Variants in PIK3C3 observed in about 807,000 individuals in gnomAD.
PIK3C3 encodes the protein phosphatidylinositol 3-kinase catalytic subunit type 3.
PIK3C3 carries 95 observed loss-of-function variants against 126.1 expected under a neutral mutation model. The ratio of observed to expected loss-of-function variants is 0.75; its 90% CI spans 0.64 to 0.89. PIK3C3 has a LOEUF of 0.89. Ranked by LOEUF, PIK3C3 falls within the 40% of genes least tolerant of loss-of-function variation. The pLI is 0.00. For synonymous variants in PIK3C3, 374 were observed against 360.0 expected (o/e 1.04, Z -0.44); for missense variants, 829 against 1,063.2 (o/e 0.78, Z 3.06).
intron 4 of PIK3C3, among the ~76,000 whole-genome samples, chr18:41,973,802 T>C (rs1034021818): frequency 6.6e-6 from 1 of 152,126 alleles, no homozygotes; most frequent in Non-Finnish European, 1.5e-5. Context: ...AGATGGTAGA[T>C]GTAATGTCTG....
intron 7 of PIK3C3, 101 bp from the exon 8 acceptor site, chr18:41,995,789 A>G (rs999983371): frequency 2.6e-6 from 2 of 758,570 alleles, no homozygotes; most frequent in African/African-American, 3.5e-5. Flanking sequence ...AAAACATTAG[A>G]TATTATTAAA....
At chr18:41,997,791 C>T (rs79299202) in intron 9 of PIK3C3, among the ~76,000 whole-genome samples, 4 of 152,066 alleles carry the variant, frequency 2.6e-5, no homozygotes, top group Non-Finnish European at 5.9e-5. Flanking sequence ...ATACATGCTG[C>T]CTCTTGATAT....
chr18:41,986,017 C>A (rs929954351), intron 4 of PIK3C3, among the ~76,000 whole-genome samples: 42 of 152,094 alleles, frequency 2.8e-4, no homozygotes, highest in African/African-American at 8.9e-4. Flanking sequence ...ATCATAAATA[C>A]AAAACTAATA....
intron 7 of PIK3C3, 67 bp from the exon 8 acceptor site, chr18:41,995,823 T>G (rs2144363763): frequency 9.0e-7 from 1 of 1,106,000 alleles, no homozygotes; most frequent in Non-Finnish European, 1.4e-6. Flanking sequence ...CTTTTCTATT[T>G]ATGAATAGCT....
At chr18:41,982,862 C>T (rs973510285) in intron 4 of PIK3C3, among the ~76,000 whole-genome samples, 2 of 152,094 alleles carry the variant, frequency 1.3e-5, no homozygotes, top group African/African-American at 4.8e-5. Context: ...AATGGTGTCT[C>T]AGAATTGTTC....
chr18:42,076,109 T>TATGCAC (rs1555643355), intron 24 of PIK3C3, among the ~76,000 whole-genome samples: 4 of 78,926 alleles, frequency 5.1e-5, no homozygotes, highest in African/African-American at 1.3e-4. Flanking sequence ...TATATATATA[T>TATGCAC]ATATATATAT....
chr18:42,014,765 A>T (rs755908618), intron 11 of PIK3C3, among the ~76,000 whole-genome samples: 3 of 152,038 alleles, frequency 2.0e-5, no homozygotes, highest in Non-Finnish European at 2.9e-5. Flanking sequence ...GGATTTTTGA[A>T]TTTTTCTTTA....
At chr18:42,061,291 C>T (rs1985303314) in intron 22 of PIK3C3, among the ~76,000 whole-genome samples, 1 of 152,048 alleles carries the variant, frequency 6.6e-6, no homozygotes, top group African/African-American at 2.4e-5. Context: ...TTGTCTAATA[C>T]TGGTTTGTTG....
intron 6 of PIK3C3, among the ~76,000 whole-genome samples, chr18:41,991,710 T>C (rs1428816306): frequency 6.6e-6 from 1 of 152,202 alleles, no homozygotes; most frequent in Non-Finnish European, 1.5e-5. Context: ...TTCAAGTTAC[T>C]GTTCATATTT....
chr18:41,957,881 C>G (rs756889984), intron 2 of PIK3C3, 123 bp downstream of exon 2: 1 of 639,704 alleles, frequency 1.6e-6, no homozygotes, highest in Non-Finnish European at 2.6e-6. Context: ...TTGATCAAAT[C>G]ATTTGAAGTA....
At chr18:42,018,524 A>AT (rs1383337138) in intron 12 of PIK3C3, among the ~76,000 whole-genome samples, 1 of 151,992 alleles carries the variant, frequency 6.6e-6, no homozygotes, top group African/African-American at 2.4e-5. Context: ...TTTAAATTGG[A>AT]TTTTTGGTGC....
chr18:41,985,428 A>G (rs1444818877), intron 4 of PIK3C3, among the ~76,000 whole-genome samples: 1 of 152,168 alleles, frequency 6.6e-6, no homozygotes, highest in Non-Finnish European at 1.5e-5. Context: ...AAAGTCAGGT[A>G]CAGGAGACAG....
intron 13 of PIK3C3, among the ~76,000 whole-genome samples, chr18:42,023,775 T>G (rs1279176866): frequency 6.6e-6 from 1 of 152,256 alleles, no homozygotes; most frequent in Non-Finnish European, 1.5e-5. Flanking sequence ...ATTTAAATGC[T>G]TCTCTAAGCC....
chr18:42,060,307 T>G (rs1985258471), intron 22 of PIK3C3, among the ~76,000 whole-genome samples: 1 of 152,170 alleles, frequency 6.6e-6, no homozygotes, highest in Non-Finnish European at 1.5e-5. Context: ...AGTAGTCCAT[T>G]TGAACTTAGT....
At position 42,037,896 on chromosome 18, in the gene PIK3C3, T is replaced by G. The variant is rs1984127949; in HGVS notation, c.1968+76T>G. 3 of 1,337,272 alleles carry G rather than the reference T, an allele frequency of 2.2e-6. No homozygotes were observed. In the South Asian group the frequency reaches 4.0e-5, roughly 18 times the overall value. 82.8% of individuals were successfully genotyped at this position (1,337,272 alleles called of 1,614,324 possible). On this transcript the variant is annotated intron_variant, in intron 17 of 24. Transcript: ENST00000262039. ...TGTGGCTTAGTTCATTTGCTGTTTATGGAACAGAAGTATTTGTAACATTCA... is the reference window on the plus strand; with the variant it reads ...TGTGGCTTAGTTCATTTGCTGTTTAGGGAACAGAAGTATTTGTAACATTCA...
At position 41,955,340 on chromosome 18, in the gene PIK3C3, A is replaced by G. The variant is rs760104207; in HGVS notation, c.49A>G (p.Ile17Val). The G allele has an allele frequency of 2.6e-5, 42 of 1,613,502 alleles. No individual in the cohort carries two copies. Among genetic ancestry groups the G allele is most frequent in the Non-Finnish European group, 3.4e-5 (40 of 1,179,666 alleles). ...FHYIYSCDLD[I>V]NVQLKIGSLE... ...CTACATCTATAGTTGTGACCTGGAT[A>G]TCAACGTCCAGCTTAAGATGTAAGA... Residue 17 changes from isoleucine to valine, a missense_variant, in exon 1 of 25, where the codon ATC becomes GTC. By Grantham distance (29) the Ile-to-Val change is conservative. This residue lies in a region of PIK3C3 where 313 missense variants were observed against 340.7 expected (regional missense o/e 0.92). Transcript: ENST00000262039.
chr18:42,020,968 A>G (rs551316389), intron 13 of PIK3C3, among the ~76,000 whole-genome samples: 1 of 152,292 alleles, frequency 6.6e-6, no homozygotes, highest in South Asian at 2.1e-4. Flanking sequence ...TTTCAGTTTA[A>G]TATCTGTTTG....
intron 21 of PIK3C3, among the ~76,000 whole-genome samples, chr18:42,054,947 A>G (rs1191264413): frequency 6.6e-6 from 1 of 150,702 alleles, no homozygotes; most frequent in Admixed American, 6.6e-5. Context: ...TTTTAAACTT[A>G]TGTAGTTCTT....
Position 42,081,288 on chromosome 18 carries a change from G to T in PIK3C3, c.*151G>T. On this transcript the variant is annotated 3_prime_UTR_variant, in exon 25 of 25. Coordinates refer to ENST00000262039, the MANE Select transcript of PIK3C3 (RefSeq NM_002647.4). Reference sequence around the variant, plus strand: ...TTTCCAAATATTACATGGTACCTGAGTTCTGCTTCCTTGGATGTCATTGCT... The same window carrying T: ...TTTCCAAATATTACATGGTACCTGATTTCTGCTTCCTTGGATGTCATTGCT... 3 of 516,848 alleles carry T rather than the reference G, an allele frequency of 5.8e-6. No homozygotes were observed. Among genetic ancestry groups the T allele is most frequent in the Non-Finnish European group, 1.1e-5 (3 of 285,568 alleles). The allele number at this position is 516,848 out of a possible 1,614,324, so 32.0% of individuals were successfully genotyped here.
Sources: allele counts gnomAD v4.1 joint callset (sites outside exome capture counted in the v4.1 genomes callset), GRCh38; gene constraint gnomAD v4.1.1; regional missense constraint gnomAD v4.1.1; transcripts MANE v1.5; gene names NCBI Gene and HGNC (gene_info 2026-07-23, HGNC 2026-07-21).